The following SLC35F3 variants were observed in gnomAD, a reference collection of about 807,000 sequenced individuals.
The protein encoded by SLC35F3 is solute carrier family 35 member F3, also known as putative thiamine transporter SLC35F3.
SLC35F3 carries 25 observed loss-of-function variants against 49.9 expected under a neutral mutation model. The observed-to-expected ratio is 0.50, with a 90% CI of 0.37 to 0.70. The LOEUF (loss-of-function observed/expected upper bound fraction) is 0.70, where lower values mean the gene tolerates loss of function less well. Among genes scored for constraint, SLC35F3 ranks in the 30% least tolerant of loss-of-function variants. The pLI, the probability that SLC35F3 is intolerant of heterozygous loss-of-function variation, is 0.00. For synonymous variants in SLC35F3, 275 were observed against 265.4 expected (o/e 1.04, Z -0.35); for missense variants, 525 against 639.8 (o/e 0.82, Z 1.94).
chr1:234,103,601 T>TA (rs1219873127), intron 2 of SLC35F3, among the ~76,000 whole-genome samples: 1 of 152,206 alleles, frequency 6.6e-6, no homozygotes, highest in Non-Finnish European at 1.5e-5. Flanking sequence ...TAGTAGCTCT[T>TA]ATAATGATTC....
chr1:234,066,774 C>CCT (rs147597348), intron 2 of SLC35F3, among the ~76,000 whole-genome samples: 2 of 142,718 alleles, frequency 1.4e-5, no homozygotes, highest in African/African-American at 5.2e-5. Flanking sequence ...TCTTTCCTTC[C>CCT]CTCTCTCTCT....
chr1:234,307,083 G>T (rs1199272401), intron 3 of SLC35F3, among the ~76,000 whole-genome samples: 2 of 152,180 alleles, frequency 1.3e-5, no homozygotes, highest in Non-Finnish European at 2.9e-5. Context: ...ATCATTCACG[G>T]TCACTGCCCC....
At chr1:234,277,440 C>T (rs1410096201) in intron 3 of SLC35F3, among the ~76,000 whole-genome samples, 1 of 152,214 alleles carries the variant, frequency 6.6e-6, no homozygotes, top group Non-Finnish European at 1.5e-5. Context: ...AAGGGGAATC[C>T]CTTTACCCAG....
intron 2 of SLC35F3, among the ~76,000 whole-genome samples, chr1:234,172,022 A>G (rs1391487291): frequency 2.0e-5 from 3 of 151,980 alleles, no homozygotes; most frequent in African/African-American, 7.3e-5. Flanking sequence ...AGTGAGAAGG[A>G]ATGTCCAGCT....
intron 2 of SLC35F3, among the ~76,000 whole-genome samples, chr1:234,204,145 T>C (rs1341906188): frequency 6.6e-6 from 1 of 152,148 alleles, no homozygotes; most frequent in Non-Finnish European, 1.5e-5. Context: ...TCCAGTGTAT[T>C]AATAGCAATA....
At chr1:234,250,825 CA>C (rs1374179550) in intron 3 of SLC35F3, among the ~76,000 whole-genome samples, 1 of 152,074 alleles carries the variant, frequency 6.6e-6, no homozygotes, top group Non-Finnish European at 1.5e-5. Context: ...GGGGGCACCA[CA>C]CTCTTTTTAA....
intron 3 of SLC35F3, among the ~76,000 whole-genome samples, chr1:234,305,675 C>T (rs1489512453): frequency 6.6e-6 from 1 of 152,052 alleles, no homozygotes; most frequent in African/African-American, 2.4e-5. Context: ...GAGCCACCAC[C>T]CCCAGCCTAG....
At chr1:234,084,889 G>A (rs1449525580) in intron 2 of SLC35F3, among the ~76,000 whole-genome samples, 1 of 152,172 alleles carries the variant, frequency 6.6e-6, no homozygotes, top group African/African-American at 2.4e-5. Context: ...GAAGGACTGA[G>A]GGGCCACATT....
At position 234,038,133 on chromosome 1, in the gene SLC35F3, T is replaced by G. The variant is rs1178191226; in HGVS notation, c.283+132375T>G. Among the ~76,000 whole-genome samples the G allele has an allele frequency of 1.9e-3, 223 of 118,846 alleles. 1 individual carries two copies. The highest frequency in any genetic ancestry group is 1.1e-3 in the Non-Finnish European group (66 of 58,418). The allele number at this position is 118,846 out of a possible 152,430, so 78.0% of individuals were successfully genotyped here. ...TCCCCCTCCCCCCACCCCACAACAG[T>G]CCCCAGAGTGTGATGTTCCCCTTCC... is the stretch of plus-strand genomic sequence containing the variant. On this transcript the variant is annotated intron_variant, in intron 2 of 7. Transcript: ENST00000366618.
intron 2 of SLC35F3, among the ~76,000 whole-genome samples, chr1:233,984,019 A>G (rs1663226536): frequency 6.6e-6 from 1 of 152,138 alleles, no homozygotes; most frequent in Admixed American, 6.5e-5. Flanking sequence ...CCCCAACCAC[A>G]TCCTGCGTTT....
At chr1:233,953,269 A>G (rs922732422) in intron 2 of SLC35F3, among the ~76,000 whole-genome samples, 37 of 152,248 alleles carry the variant, frequency 2.4e-4, no homozygotes, top group African/African-American at 8.9e-4. Flanking sequence ...ACTTGAAGGT[A>G]TATTACATTT....
intron 2 of SLC35F3, among the ~76,000 whole-genome samples, chr1:234,059,621 CATAGACATAG>C (rs1558217589): frequency 4.3e-4 from 4 of 9,234 alleles, no homozygotes; most frequent in African/African-American, 9.3e-4. Flanking sequence ...ATAGACTAGA[CATAGACATAG>C]ACATAGACAT....
chr1:234,029,159 C>T (rs1664021290), intron 2 of SLC35F3, among the ~76,000 whole-genome samples: 2 of 152,176 alleles, frequency 1.3e-5, no homozygotes, highest in African/African-American at 2.4e-5. Context: ...AGAAACCAGA[C>T]TCCAGGGCTC....
intron 2 of SLC35F3, among the ~76,000 whole-genome samples, chr1:234,103,011 A>G (rs998989696): frequency 3.3e-5 from 5 of 152,242 alleles, no homozygotes; most frequent in South Asian, 2.1e-4. Context: ...GTCACTCTAC[A>G]CAGACGTTCA....
At chr1:233,925,753 T>A (rs1490341508) in intron 2 of SLC35F3, among the ~76,000 whole-genome samples, 1 of 152,238 alleles carries the variant, frequency 6.6e-6, no homozygotes, top group Non-Finnish European at 1.5e-5. Flanking sequence ...TTTGGCATGT[T>A]TTTACAGTGG....
chr1:234,104,587 C>A (rs1665256995), intron 2 of SLC35F3, among the ~76,000 whole-genome samples: 1 of 152,020 alleles, frequency 6.6e-6, no homozygotes, highest in African/African-American at 2.4e-5. Context: ...TGACCTGTAG[C>A]AAATATTTTC....
intron 2 of SLC35F3, among the ~76,000 whole-genome samples, chr1:234,013,623 C>CA (rs1412149461): frequency 6.6e-6 from 1 of 151,758 alleles, no homozygotes; most frequent in Non-Finnish European, 1.5e-5. Context: ...AGAGAAGACT[C>CA]AAATAAAATC....
At chr1:234,059,012 C>T (rs1664498303) in intron 2 of SLC35F3, among the ~76,000 whole-genome samples, 1 of 152,036 alleles carries the variant, frequency 6.6e-6, no homozygotes, top group East Asian at 1.9e-4. Context: ...TAAAGTTGGC[C>T]TTAATTTCCT....
At chr1:234,083,893 A>G (rs991227062) in intron 2 of SLC35F3, among the ~76,000 whole-genome samples, 11 of 149,838 alleles carry the variant, frequency 7.3e-5, no homozygotes, top group Non-Finnish European at 1.2e-4. Flanking sequence ...GCTGGAGTGC[A>G]ATGGCGTGAT....
Sources: allele counts gnomAD v4.1 joint callset (sites outside exome capture counted in the v4.1 genomes callset), GRCh38; gene constraint gnomAD v4.1.1; transcripts MANE v1.5; gene names NCBI Gene and HGNC (gene_info 2026-07-23, HGNC 2026-07-21).